STK3: variants seen among roughly 807,000 people sequenced by gnomAD.
The protein encoded by STK3 is serine/threonine-protein kinase 3.
In STK3, 41 loss-of-function variants were observed where a neutral mutation model predicts 58.0. That is an observed-to-expected ratio of 0.71 (90% CI 0.55 to 0.92). The LOEUF (loss-of-function observed/expected upper bound fraction) is 0.92. Ranked by LOEUF, STK3 falls within the 40% of genes least tolerant of loss-of-function variation. The pLI is 0.00. For missense variants in STK3, 479 were observed against 602.7 expected (o/e 0.79, Z 2.15); for synonymous variants, 170 against 191.0 (o/e 0.89, Z 0.91).
intron 10 of STK3, among the ~76,000 whole-genome samples, chr8:98,481,533 C>T (rs1020210664): frequency 1.3e-5 from 2 of 152,020 alleles, no homozygotes; most frequent in Non-Finnish European, 2.9e-5. Context: ...TAAGTGGGAG[C>T]TAAGCTACGG....
At chr8:98,360,599 T>G in the STK3 span, among the ~76,000 whole-genome samples, 1 of 151,954 alleles carries the variant, frequency 6.6e-6, no homozygotes, top group Admixed American at 6.6e-5. Context: ...GGCCTGTAAA[T>G]GATGCATTCA....
In STK3 at chr8:98,904,702, C is replaced by T. The variant is rs185278743; in HGVS notation, c.-78-20868G>A. Reference sequence around the variant, plus strand: ...CTGCTGAAGCCTGAAATAACTCACTCTCTGGCCCATAACCGTAGCCCTCTC... The same window carrying T: ...CTGCTGAAGCCTGAAATAACTCACTTTCTGGCCCATAACCGTAGCCCTCTC... On this transcript the variant is annotated intron_variant, in intron 1 of 1. Coordinates refer to the STK3 transcript ENST00000519420. 165 of 797,300 alleles carry T rather than the reference C, an allele frequency of 2.1e-4. 2 individuals carry two copies. In the Admixed American group the frequency reaches 3.0e-3, roughly 15 times the overall value. 49.4% of individuals were successfully genotyped at this position (797,300 alleles called of 1,614,324 possible).
intron 6 of STK3, 63 bp from the exon 7 acceptor site, chr8:98,596,232 T>A: frequency 6.7e-6 from 10 of 1,499,232 alleles, no homozygotes; most frequent in Non-Finnish European, 9.0e-6. Flanking sequence ...AATAAACAAA[T>A]CTCTTTATCT....
At chr8:98,813,991 G>C (rs936803873) in intron 1 of STK3, among the ~76,000 whole-genome samples, 2 of 152,166 alleles carry the variant, frequency 1.3e-5, no homozygotes, top group Non-Finnish European at 2.9e-5. Flanking sequence ...TTCGTTGTAA[G>C]TATTCTGAAA....
intron 1 of STK3, among the ~76,000 whole-genome samples, chr8:98,908,505 A>G (rs1474657850): frequency 6.6e-6 from 1 of 152,142 alleles, no homozygotes; most frequent in Non-Finnish European, 1.5e-5. Context: ...GTGAGCTATC[A>G]TTACACCATT....
chr8:98,547,229 A>G (rs1810770072), intron 9 of STK3, among the ~76,000 whole-genome samples: 1 of 152,190 alleles, frequency 6.6e-6, no homozygotes, highest in Admixed American at 6.5e-5. Flanking sequence ...ACAGGAAGAA[A>G]AAGGTCAGTT....
intron 3 of STK3, among the ~76,000 whole-genome samples, chr8:98,749,764 A>C (rs538972531): frequency 8.5e-5 from 13 of 152,278 alleles, no homozygotes; most frequent in African/African-American, 1.2e-4. Context: ...AATATTAATC[A>C]ACTCGAAAAT....
intron 6 of STK3, among the ~76,000 whole-genome samples, chr8:98,695,036 T>G (rs200676431): frequency 6.6e-6 from 1 of 152,166 alleles, no homozygotes; most frequent in African/African-American, 2.4e-5. Flanking sequence ...TTTTAATGAT[T>G]GCCATTCTAA....
chr8:98,483,975 A>AAAT (rs1043384233), intron 10 of STK3, among the ~76,000 whole-genome samples: 11 of 151,774 alleles, frequency 7.2e-5, no homozygotes, highest in Non-Finnish European at 4.4e-5. Context: ...TGTTCAGTGA[A>AAAT]AATTAAGTCA....
At chr8:98,684,554 T>C (rs1823855624) in intron 6 of STK3, among the ~76,000 whole-genome samples, 1 of 152,208 alleles carries the variant, frequency 6.6e-6, no homozygotes, top group Non-Finnish European at 1.5e-5. Flanking sequence ...TTCATATTTC[T>C]ACAGTACTTA....
At chr8:98,729,172 G>A (rs752485587) in intron 4 of STK3, among the ~76,000 whole-genome samples, 3 of 152,096 alleles carry the variant, frequency 2.0e-5, no homozygotes, top group Non-Finnish European at 4.4e-5. Flanking sequence ...GTGCAGTGGC[G>A]AGATCTAGGC....
At chr8:98,730,899 C>A (rs920184170) in intron 4 of STK3, among the ~76,000 whole-genome samples, 2 of 152,008 alleles carry the variant, frequency 1.3e-5, no homozygotes, top group African/African-American at 4.8e-5. Flanking sequence ...TAACGCTGAT[C>A]GACATTTAAA....
the STK3 span, among the ~76,000 whole-genome samples, chr8:98,362,666 A>C: frequency 6.6e-6 from 1 of 152,320 alleles, no homozygotes; most frequent in South Asian, 2.1e-4. Flanking sequence ...GAGAGCATCC[A>C]TTTATTTTAC....
chr8:98,523,992 C>A (rs1347673882), intron 10 of STK3, among the ~76,000 whole-genome samples: 2 of 152,126 alleles, frequency 1.3e-5, no homozygotes, highest in African/African-American at 4.8e-5. Context: ...TTATTTCTTA[C>A]TGTAAGATCT....
At chr8:98,555,204 A>G (rs1318031805) in intron 8 of STK3, among the ~76,000 whole-genome samples, 1 of 152,176 alleles carries the variant, frequency 6.6e-6, no homozygotes, top group African/African-American at 2.4e-5. Context: ...AGCCTGAGAA[A>G]TAATCAGAGA....
At chr8:98,898,899 C>A (rs1429627399) in intron 1 of STK3, among the ~76,000 whole-genome samples, 2 of 152,144 alleles carry the variant, frequency 1.3e-5, no homozygotes, top group East Asian at 3.9e-4. Flanking sequence ...CGTGCTCGGC[C>A]ACAGCCAGTA....
chr8:98,552,841 A>C (rs1306988037), intron 8 of STK3, among the ~76,000 whole-genome samples: 2 of 152,198 alleles, frequency 1.3e-5, no homozygotes, highest in Admixed American at 6.6e-5. Context: ...AAATCAATTT[A>C]TATTTTCACT....
intron 1 of STK3, among the ~76,000 whole-genome samples, chr8:98,806,755 A>G (rs1220004394): frequency 1.3e-5 from 2 of 152,112 alleles, no homozygotes; most frequent in East Asian, 3.9e-4. Context: ...GACCTAAGTA[A>G]CAGTAAATAA....
At chr8:98,508,336 C>G (rs1263149472) in intron 10 of STK3, among the ~76,000 whole-genome samples, 4 of 152,120 alleles carry the variant, frequency 2.6e-5, no homozygotes, top group Non-Finnish European at 5.9e-5. Context: ...CTGTAATAAT[C>G]ACCTATCTAC....
Sources: allele counts gnomAD v4.1 joint callset (sites outside exome capture counted in the v4.1 genomes callset), GRCh38; gene constraint gnomAD v4.1.1; transcripts MANE v1.5; gene names NCBI Gene and HGNC (gene_info 2026-07-23, HGNC 2026-07-21).